The following KDM5B variants were observed in gnomAD, a reference collection of about 807,000 sequenced individuals.
KDM5B encodes lysine demethylase 5B.
Under a neutral mutation model 193.4 loss-of-function variants are expected in KDM5B, and 144 were observed. The observed-to-expected ratio is 0.74, with a 90% confidence interval of 0.65 to 0.86. The LOEUF is 0.86. Among genes scored for constraint, KDM5B ranks in the 40% least tolerant of loss-of-function variants. KDM5B has a pLI of 0.00. For synonymous variants in KDM5B, 668 were observed against 682.6 expected, an observed-to-expected ratio of 0.98 and a Z score of 0.33; for missense variants, 1,833 against 1,886.9, an observed-to-expected ratio of 0.97 and a Z score of 0.53.
At chr1:202,748,320 A>T (rs1558489938) in intron 14 of KDM5B, among the ~76,000 whole-genome samples, 1 of 152,192 alleles carries the variant, frequency 6.6e-6, no homozygotes, top group African/African-American at 2.4e-5. Context: ...GTAGGAGAAA[A>T]TCTTTGTAAC....
At position 202,773,343 on chromosome 1, in the gene KDM5B, C is replaced by G. The variant is rs112451104; in HGVS notation, c.406-55G>C. ...ATATGGAAGTCACTTCTAATCACAT[C>G]TAAGTATGACTCCAAGGGGAAAATG... On this transcript the variant is annotated intron_variant, in intron 3 of 26. Transcript: ENST00000367265. The G allele has an allele frequency of 5.5e-5, 80 of 1,448,362 alleles. 5 individuals carry two copies. In the African/African-American group the frequency reaches 5.9e-4, roughly 11 times the overall value. 89.7% of individuals were successfully genotyped at this position (1,448,362 alleles called of 1,614,324 possible). A position where few individuals can be genotyped will look rare whatever the true frequency, so the allele number is the denominator to read the frequency against.
intron 1 of KDM5B, among the ~76,000 whole-genome samples, chr1:202,798,962 A>G (rs1052495563): frequency 6.6e-6 from 1 of 151,970 alleles, no homozygotes; most frequent in African/African-American, 2.4e-5. Flanking sequence ...CAAGGCTGCA[A>G]TGAACTATGA....
chr1:202,764,920 T>G (rs1309244311), intron 5 of KDM5B, among the ~76,000 whole-genome samples: 1 of 152,204 alleles, frequency 6.6e-6, no homozygotes, highest in East Asian at 1.9e-4. Context: ...GAGGTTGCAG[T>G]GAGCCAAGAC....
intron 7 of KDM5B, among the ~76,000 whole-genome samples, chr1:202,762,085 T>C (rs12141919): frequency 0.036 from 5,469 of 152,272 alleles, 150 homozygotes; most frequent in Middle Eastern, 0.099. Flanking sequence ...CCAGATCCTT[T>C]CTAATGCCAT....
At chr1:202,799,858 T>C (rs79995341) in intron 1 of KDM5B, among the ~76,000 whole-genome samples, 1 of 152,142 alleles carries the variant, frequency 6.6e-6, no homozygotes, top group Non-Finnish European at 1.5e-5. Context: ...TGGTGGCATC[T>C]CCTATCTCAG....
intron 4 of KDM5B, among the ~76,000 whole-genome samples, chr1:202,768,921 T>TATC (rs1656588908): frequency 6.6e-6 from 1 of 151,844 alleles, no homozygotes; most frequent in Non-Finnish European, 1.5e-5. Flanking sequence ...TTCTCCATGT[T>TATC]GAGGCTGGTC....
Position 202,808,394 on chromosome 1 carries a change from C to A in KDM5B, c.-89G>T, listed in dbSNP as rs1015459201. 4.9e-5 allele frequency: 61 copies of A among 1,240,294 alleles called. No individual in the cohort carries two copies. The South Asian group carries it at 8.2e-4, about 17-fold the overall frequency. 76.8% of individuals were successfully genotyped at this position (1,240,294 alleles called of 1,614,324 possible). ...CGGTCCGAGACCCGTGCAGACGCGG[C>A]TCGAGCAACAGCAAGTCCGAGTTGT... On this transcript the variant is annotated 5_prime_UTR_variant, in exon 1 of 27. Coordinates refer to ENST00000367265, the MANE Select transcript of KDM5B (RefSeq NM_006618.5).
intron 1 of KDM5B, among the ~76,000 whole-genome samples, chr1:202,781,055 C>T (rs1657177681): frequency 6.6e-6 from 1 of 152,142 alleles, no homozygotes; most frequent in Non-Finnish European, 1.5e-5. Flanking sequence ...GTGGCTCATG[C>T]CTATAATCTC....
chr1:202,747,484 G>A (rs1174578345), intron 14 of KDM5B, among the ~76,000 whole-genome samples: 1 of 151,400 alleles, frequency 6.6e-6, no homozygotes, highest in East Asian at 1.9e-4. Flanking sequence ...ATATAAGAGG[G>A]TAAGGTAGGT....
In KDM5B at chr1:202,741,411, C is replaced by A. The variant is rs1655331077; in HGVS notation, c.2901G>T (p.Val967=). ...AMARLQELLT[V]SEHWDDKAKS... ...TGGCTTTGTCGTCCCAGTGCTCTGA[C>A]ACTGTGAGCAGTTCCTGCAGCCGGG... Residue 967 remains valine (V), a synonymous_variant, in exon 19 of 27, where the codon GTG becomes GTT. Transcript: ENST00000367265. The A allele has an allele frequency of 1.3e-6, 2 of 1,590,976 alleles. No individual in the cohort carries two copies. Among genetic ancestry groups the A allele is most frequent in the Non-Finnish European group, 1.7e-6 (2 of 1,167,768 alleles).
intron 16 of KDM5B, 22 bp from the exon 17 acceptor site, chr1:202,742,827 A>T (rs747857434): frequency 3.7e-6 from 6 of 1,603,816 alleles, no homozygotes; most frequent in Non-Finnish European, 5.1e-6. Context: ...GAAAAAAGTC[A>T]TATTTTCTGT....
rs558576795 is a variant in KDM5B, at chr1:202,743,686, A to G, written c.2324-881T>C. On this transcript the variant is annotated intron_variant, in intron 16 of 26. Transcript: ENST00000367265. ...ACAGAATAGAGAACCCAGAAATAAA[A>G]AGGCACACCTACAACTATCTGATCT... Among the ~76,000 whole-genome samples the G allele has an allele frequency of 7.9e-5, 12 of 152,312 alleles. No homozygotes were observed. The East Asian group carries it at 1.9e-3, about 24-fold the overall frequency.
intron 6 of KDM5B, among the ~76,000 whole-genome samples, chr1:202,763,638 C>T (rs892537257): frequency 1.3e-5 from 2 of 152,162 alleles, no homozygotes; most frequent in East Asian, 3.8e-4. Flanking sequence ...CCCAGGCAAG[C>T]AATTAACCAC....
chr1:202,783,309 G>A (rs888664126), intron 1 of KDM5B, among the ~76,000 whole-genome samples: 5 of 151,156 alleles, frequency 3.3e-5, no homozygotes, highest in African/African-American at 9.7e-5. Flanking sequence ...GACCAGCCCA[G>A]ACTCGGAAAC....
intron 4 of KDM5B, chr1:202,767,564 T>C: frequency 1.6e-6 from 1 of 606,338 alleles, no homozygotes; most frequent in Non-Finnish European, 3.0e-6. Flanking sequence ...TTAGAGAGTT[T>C]CACTGGATTT....
Position 202,728,887 on chromosome 1 carries a change from C to T in KDM5B, c.*149G>A. The T allele has an allele frequency of 1.1e-6, 1 of 878,122 alleles. No homozygotes were observed. Among genetic ancestry groups the T allele is most frequent in the Non-Finnish European group, 1.7e-6 (1 of 593,162 alleles). The allele number at this position is 878,122 out of a possible 1,614,324, so 54.4% of individuals were successfully genotyped here. A position where few individuals can be genotyped will look rare whatever the true frequency, so the allele number is the denominator to read the frequency against. On this transcript the variant is annotated 3_prime_UTR_variant, in exon 27 of 27. Transcript: ENST00000367265. ...TTGTTTTTTCTTTTCTTCAAAGAGT[C>T]CTGGAAAAATGATCCCATAAGGAAT...
rs1477834630 is a variant in KDM5B at position 202,775,879 on chromosome 1, A to AT, written c.282+1137_282+1138insA. 1.2e-3 allele frequency among the ~76,000 whole-genome samples: 115 copies of AT among 93,190 alleles called. 1 individual carries two copies. The highest frequency in any genetic ancestry group is 3.7e-3 in the South Asian group (10 of 2,690). The allele number at this position is 93,190 out of a possible 152,430, so 61.1% of individuals were successfully genotyped here. A position where few individuals can be genotyped will look rare whatever the true frequency, so the allele number is the denominator to read the frequency against. On this transcript the variant is annotated intron_variant, in intron 2 of 26. Coordinates refer to ENST00000367265, the MANE Select transcript of KDM5B (RefSeq NM_006618.5). ...CTCAAAAAAAAAAAAAAAAAAAAAAAATATATATATATATATATATATATA... is the reference window on the plus strand; with the variant it reads ...CTCAAAAAAAAAAAAAAAAAAAAAAATATATATATATATATATATATATATA...
Position 202,735,511 on chromosome 1 carries a change from T to C in KDM5B, c.3341A>G (p.Asn1114Ser), listed in dbSNP as rs145396304. 4.3e-6 allele frequency: 7 copies of C among 1,613,996 alleles called. No individual in the cohort carries two copies. In the African/African-American group the frequency reaches 9.3e-5, roughly 22 times the overall value. The change falls in exon 22 of 27, where the codon AAT becomes AGT. Residue 1114 changes from asparagine to serine, a missense_variant. Asn to Ser is a conservative substitution (Grantham distance 46). This residue lies in a region of KDM5B where 1,379 missense variants were observed against 1,349.6 expected (regional missense o/e 1.02). Coordinates refer to ENST00000367265, the MANE Select transcript of KDM5B (RefSeq NM_006618.5). The part of the protein sequence containing the change: ...KQRKLKEPLP[N>S]GKKKSTKLES... The stretch of plus-strand genomic sequence containing the variant: ...TAATTTGGTGCTTTTTTTCTTTCCA[T>C]TTGGCAAGGGCTCCTTTAACTTTCT...
chr1:202,763,093 C>T (rs978209751), intron 6 of KDM5B, among the ~76,000 whole-genome samples: 1 of 152,188 alleles, frequency 6.6e-6, no homozygotes, highest in African/African-American at 2.4e-5. Flanking sequence ...AAGACCAAGA[C>T]ATAACATATA....
Sources: gnomAD v4.1 joint callset for allele counts (sites outside exome capture counted in the v4.1 genomes callset) on GRCh38, gnomAD v4.1.1 for gene constraint, gnomAD v4.1.1 regional missense constraint, MANE v1.5 for transcripts, NCBI Gene and HGNC (gene_info 2026-07-23, HGNC 2026-07-21) for gene names.